Variants in COL4A1 observed in about 807,000 individuals in gnomAD.
The protein encoded by COL4A1 is collagen type IV alpha 1 chain.
In COL4A1, 40 loss-of-function variants were observed where a neutral mutation model predicts 216.6. That is an observed-to-expected ratio of 0.18 (90% confidence interval 0.14 to 0.24). COL4A1 has a LOEUF of 0.24. Ranked by LOEUF, COL4A1 falls within the 10% of genes least tolerant of loss-of-function variation. The pLI is 1.00. For missense variants in COL4A1, 1,628 were observed against 2,196.8 expected (o/e 0.74, Z 5.18); for synonymous variants, 839 against 810.7 (o/e 1.03, Z -0.59).
Position 110,213,923 on chromosome 13 carries a change from T to C in COL4A1, c.234+3A>G. 6.2e-7 allele frequency: 1 copy of C among 1,614,074 alleles called. No individual in the cohort carries two copies. The highest frequency in any genetic ancestry group is 8.5e-7 in the Non-Finnish European group (1 of 1,180,000). On this transcript the variant is annotated splice_donor_region_variant and intron_variant, in intron 3 of 51. Transcript: ENST00000375820. Reference sequence around the variant, plus strand: ...CCACCCCCAATCCCACAGCCGTGCTTACCTTTTGTCCTGGTGGTCCCTGTG... The same window carrying C: ...CCACCCCCAATCCCACAGCCGTGCTCACCTTTTGTCCTGGTGGTCCCTGTG...
At chr13:110,289,872 C>T (rs1372796380) in intron 1 of COL4A1, among the ~76,000 whole-genome samples, 1 of 152,182 alleles carries the variant, frequency 6.6e-6, no homozygotes, top group Non-Finnish European at 1.5e-5. Flanking sequence ...ACATGTTCTG[C>T]CCCCAGTGGA....
intron 24 of COL4A1, 41 bp downstream of exon 24, chr13:110,192,173 C>T: frequency 6.2e-7 from 1 of 1,601,458 alleles, no homozygotes; most frequent in Non-Finnish European, 8.6e-7. Context: ...TGCTTGGTGG[C>T]AACTTCTGAT....
At chr13:110,293,585 C>A (rs558347098) in intron 1 of COL4A1, among the ~76,000 whole-genome samples, 13 of 152,268 alleles carry the variant, frequency 8.5e-5, no homozygotes, top group African/African-American at 1.9e-4. Flanking sequence ...GATACAGCAA[C>A]CCAAACTCAG....
chr13:110,290,833 C>T (rs56917961), intron 1 of COL4A1, among the ~76,000 whole-genome samples: 2,630 of 152,332 alleles, frequency 0.017, 83 homozygotes, highest in African/African-American at 0.06. Context: ...CTTTTTAAAA[C>T]GTGGGTGTCA....
chr13:110,204,883 G>A (rs1238927137), intron 17 of COL4A1, among the ~76,000 whole-genome samples: 3 of 152,176 alleles, frequency 2.0e-5, no homozygotes, highest in African/African-American at 7.2e-5. Flanking sequence ...AGGCATGGAT[G>A]TTCACATCAT....
intron 2 of COL4A1, among the ~76,000 whole-genome samples, chr13:110,222,597 C>A (rs906534822): frequency 1.4e-5 from 2 of 142,458 alleles, no homozygotes; most frequent in Non-Finnish European, 3.1e-5. Flanking sequence ...CATGGTGAAA[C>A]CCCGTCTCTA....
At chr13:110,150,659 G>T (rs1045959098) in intron 51 of COL4A1, among the ~76,000 whole-genome samples, 4 of 152,192 alleles carry the variant, frequency 2.6e-5, no homozygotes, top group Non-Finnish European at 4.4e-5. Context: ...TGCACACCCA[G>T]GCCCTGGCAC....
chr13:110,282,095 A>T (rs1314744106), intron 1 of COL4A1, among the ~76,000 whole-genome samples: 1 of 152,166 alleles, frequency 6.6e-6, no homozygotes, highest in Non-Finnish European at 1.5e-5. Flanking sequence ...ATTACTCACC[A>T]GTTTCTAGTG....
At position 110,198,574 on chromosome 13, in the gene COL4A1, T is replaced by G; in HGVS notation, c.1178A>C (p.Lys393Thr). 6.2e-7 allele frequency: 1 copy of G among 1,614,048 alleles called. No individual in the cohort carries two copies. Among genetic ancestry groups the G allele is most frequent in the Non-Finnish European group, 8.5e-7 (1 of 1,180,022 alleles). ...APGFPGERGE[K>T]GDRGFPGTSL... ...TGTACCAGGAAATCCTCGGTCACCT[T>G]TTTCTCCTCTTTCACCAGGGAAGCC... Residue 393 changes from lysine to threonine, a missense_variant, in exon 21 of 52, where the codon AAA becomes ACA. Around this residue, in one of 8 missense-constraint regions of COL4A1, gnomAD observed 701 missense variants for 892.5 expected, o/e 0.79. Transcript: ENST00000375820.
intron 49 of COL4A1, among the ~76,000 whole-genome samples, chr13:110,158,299 T>C (rs1322480249): frequency 2.0e-5 from 3 of 152,236 alleles, no homozygotes; most frequent in African/African-American, 7.2e-5. Flanking sequence ...GATCTAAGAT[T>C]TTCCTACATA....
rs188375520 is a variant in COL4A1 at position 110,211,461 on chromosome 13, C to T, written c.468+186G>A. Among the ~76,000 whole-genome samples, 29 of 152,282 alleles carry T rather than the reference C, an allele frequency of 1.9e-4. 1 individual carries two copies. Among genetic ancestry groups the T allele is most frequent in the Admixed American group, 5.2e-4 (8 of 15,304 alleles). ...TAAGAAGCTGTGCCAAGTGTCTGAACGTTAGAGTCTGAGATCTGAGTTTGT... is the reference window on the plus strand; with the variant it reads ...TAAGAAGCTGTGCCAAGTGTCTGAATGTTAGAGTCTGAGATCTGAGTTTGT... On this transcript the variant is annotated intron_variant, in intron 8 of 51. Transcript: ENST00000375820. The surrounding 1 kb of genome is among the most constrained non-coding windows in gnomAD (Gnocchi z 4.3).
Position 110,171,262 on chromosome 13 carries a change from A to G in COL4A1, c.3557-530T>C, listed in dbSNP as rs143084270. On this transcript the variant is annotated intron_variant, in intron 41 of 51. Coordinates refer to ENST00000375820, the MANE Select transcript of COL4A1 (RefSeq NM_001845.6). ...TTTTTGTAAACTGCTGGAAAATGCA[A>G]ACTAACCTAGAGGACCAGAAGGCAG... is the stretch of plus-strand genomic sequence containing the variant. Among the ~76,000 whole-genome samples, 40 of 152,298 alleles carry G rather than the reference A, an allele frequency of 2.6e-4. No individual in the cohort carries two copies. In the East Asian group the frequency reaches 4.8e-3, roughly 18 times the overall value.
At chr13:110,194,732 G>A (rs1878801824) in intron 22 of COL4A1, among the ~76,000 whole-genome samples, 1 of 152,214 alleles carries the variant, frequency 6.6e-6, no homozygotes, top group African/African-American at 2.4e-5. Flanking sequence ...ATCAGTCTGA[G>A]TTTTATCTGC....
intron 51 of COL4A1, among the ~76,000 whole-genome samples, chr13:110,151,070 A>G (rs995608255): frequency 2.0e-5 from 3 of 152,230 alleles, no homozygotes; most frequent in Admixed American, 6.5e-5. Flanking sequence ...TTGATTGTTG[A>G]AAAGGTAAAA....
chr13:110,187,045 G>T, intron 25 of COL4A1, 93 bp downstream of exon 25: 2 of 1,480,742 alleles, frequency 1.4e-6, no homozygotes, highest in South Asian at 1.1e-5. Flanking sequence ...CAAGGAGATA[G>T]AAATACATCA....
At chr13:110,256,810 G>T (rs1047875976) in intron 1 of COL4A1, among the ~76,000 whole-genome samples, 1 of 152,054 alleles carries the variant, frequency 6.6e-6, no homozygotes, top group Non-Finnish European at 1.5e-5. Context: ...TGTGGGATAG[G>T]ATCTAACCAC....
chr13:110,199,825 T>C (rs1376067595), intron 20 of COL4A1, among the ~76,000 whole-genome samples: 1 of 152,172 alleles, frequency 6.6e-6, no homozygotes, highest in South Asian at 2.1e-4. Flanking sequence ...TAAACAAGGC[T>C]TCTGTGAGGA....
chr13:110,199,686 A>G lies in COL4A1; in HGVS notation c.1121-1055T>C, dbSNP rs563595256. ...ACAGGCGAGCCCAGGGCAGGACTGG[A>G]CAGAGAGCAGCGCAGCGACTTTGGG... On this transcript the variant is annotated intron_variant, in intron 20 of 51. Transcript: ENST00000375820. 9.9e-5 allele frequency among the ~76,000 whole-genome samples: 15 copies of G among 152,260 alleles called. No homozygotes were observed. In the East Asian group the frequency reaches 2.7e-3, roughly 27 times the overall value.
chr13:110,252,306 G>C (rs1416303697), intron 1 of COL4A1, among the ~76,000 whole-genome samples: 1 of 151,710 alleles, frequency 6.6e-6, no homozygotes, highest in Non-Finnish European at 1.5e-5. Context: ...TTAGAGGTGT[G>C]AGCCACCACT....
Sources: gnomAD v4.1 joint callset for allele counts (sites outside exome capture counted in the v4.1 genomes callset) on GRCh38, gnomAD v4.1.1 for gene constraint, gnomAD v4.1.1 regional missense constraint, Gnocchi (gnomAD v3.1) non-coding constraint, MANE v1.5 for transcripts, NCBI Gene and HGNC (gene_info 2026-07-23, HGNC 2026-07-21) for gene names.